EYS: variants seen among roughly 807,000 people sequenced by gnomAD.
The protein encoded by EYS is protein eyes shut homolog.
In EYS, 250 loss-of-function variants were observed where a neutral mutation model predicts 282.1. That is an observed-to-expected ratio of 0.89 (90% CI 0.80 to 0.98). The LOEUF is 0.98. EYS is among the 50% of genes least tolerant of loss of function. The probability of loss-of-function intolerance (pLI) is 0.00; values close to 1 mark genes in which losing one functional copy is unlikely to be tolerated. For missense variants in EYS, 4,016 were observed against 3,709.0 expected, an observed-to-expected ratio of 1.08 and a Z score of -2.15; for synonymous variants, 1,355 against 1,282.9, an observed-to-expected ratio of 1.06 and a Z score of -1.20.
chr6:65,133,747 A>G (rs1375537774), intron 12 of EYS, among the ~76,000 whole-genome samples: 2 of 152,128 alleles, frequency 1.3e-5, no homozygotes, highest in African/African-American at 4.8e-5. Flanking sequence ...AGCAATTGCA[A>G]CAAAAGCAAA....
chr6:64,777,411 G>T (rs904825490), intron 22 of EYS, among the ~76,000 whole-genome samples: 3 of 152,020 alleles, frequency 2.0e-5, no homozygotes, highest in African/African-American at 4.8e-5. Context: ...ATAAACAAAA[G>T]AAAGAAATGG....
At chr6:63,829,613 C>T (rs138818092) in intron 36 of EYS, among the ~76,000 whole-genome samples, 1,883 of 152,332 alleles carry the variant, frequency 0.012, 33 homozygotes, top group African/African-American at 0.044. Flanking sequence ...GCCTGCCTGC[C>T]TCTGTAGACT....
chr6:64,675,622 G>T (rs1441667351), intron 22 of EYS, among the ~76,000 whole-genome samples: 1 of 151,562 alleles, frequency 6.6e-6, no homozygotes, highest in African/African-American at 2.4e-5. Context: ...TAGAGACAGG[G>T]TTTCACCATG....
chr6:64,079,175 T>A (rs542166084), intron 32 of EYS, among the ~76,000 whole-genome samples: 3 of 152,182 alleles, frequency 2.0e-5, no homozygotes, highest in East Asian at 3.9e-4. Context: ...GCACTTAGAT[T>A]TTGTATAAAA....
intron 11 of EYS, chr6:65,330,256 G>T: frequency 2.1e-6 from 2 of 947,798 alleles, no homozygotes; most frequent in Non-Finnish European, 2.5e-6. Context: ...CCAGTTAGAG[G>T]AGATTCAATA....
intron 26 of EYS, among the ~76,000 whole-genome samples, chr6:64,453,419 C>G (rs1345212857): frequency 6.6e-6 from 1 of 152,146 alleles, no homozygotes; most frequent in Non-Finnish European, 1.5e-5. Flanking sequence ...GGACTGTAAA[C>G]TAGTTCAACC....
At chr6:64,953,376 A>G (rs1226383100) in intron 14 of EYS, among the ~76,000 whole-genome samples, 1 of 151,800 alleles carries the variant, frequency 6.6e-6, no homozygotes, top group Non-Finnish European at 1.5e-5. Context: ...TAATAAAAAA[A>G]CTTTTGAAGT....
rs1314412070 is a variant in EYS, at chr6:65,370,351, C to A, written c.1299+14035G>T. Among the ~76,000 whole-genome samples, 2 of 147,628 alleles carry A rather than the reference C, an allele frequency of 1.4e-5. 1 individual carries two copies. The highest frequency in any genetic ancestry group is 1.4e-4 in the Admixed American group (2 of 14,082). On this transcript the variant is annotated intron_variant, in intron 8 of 42. Transcript: ENST00000503581. ...GCTCACTGCAGTCTTAATTCCTGGG[C>A]TCAAAGTGATTATCCTACTCCAGCT...
intron 22 of EYS, among the ~76,000 whole-genome samples, chr6:64,766,639 A>AC (rs1212961829): frequency 4.6e-3 from 27 of 5,898 alleles, no homozygotes; most frequent in African/African-American, 9.3e-3. Context: ...CTCAAAAAAA[A>AC]AAAAAAAAAA....
chr6:65,362,027 T>C (rs1427606723), intron 8 of EYS, among the ~76,000 whole-genome samples: 1 of 150,378 alleles, frequency 6.6e-6, no homozygotes, highest in African/African-American at 2.5e-5. Flanking sequence ...CCATAGCTAA[T>C]GGCCAGAGAA....
chr6:64,186,783 T>C (rs1375769473), intron 31 of EYS, among the ~76,000 whole-genome samples: 1 of 152,154 alleles, frequency 6.6e-6, no homozygotes, highest in African/African-American at 2.4e-5. Context: ...ACTCTTTCAG[T>C]TCAGTTGTGG....
chr6:65,516,131 T>C (rs1309786232), intron 2 of EYS, among the ~76,000 whole-genome samples: 1 of 152,006 alleles, frequency 6.6e-6, no homozygotes, highest in African/African-American at 2.4e-5. Context: ...ATAAGGATGC[T>C]GAAACCATTA....
rs566684516 is a variant in EYS at position 64,775,767 on chromosome 6, A to G, written c.3443+37611T>C. ...GTTTTTATTTGGAAATATCTTCATG[A>G]ATTCCTATTCAATATTCAAAACATC... On this transcript the variant is annotated intron_variant, in intron 22 of 42. Coordinates refer to ENST00000503581, the MANE Select transcript of EYS (RefSeq NM_001142800.2). Among the ~76,000 whole-genome samples, 23 of 152,230 alleles carry G rather than the reference A, an allele frequency of 1.5e-4. No homozygotes were observed. The South Asian group carries it at 4.3e-3, about 29-fold the overall frequency.
chr6:65,670,015 CATT>C (rs71959272), intron 1 of EYS, among the ~76,000 whole-genome samples: 3 of 151,718 alleles, frequency 2.0e-5, no homozygotes, highest in African/African-American at 7.3e-5. Flanking sequence ...TCCTCCTCCT[CATT>C]GTTTTTGAAC....
At chr6:65,596,140 G>A (rs1333751295) in intron 2 of EYS, among the ~76,000 whole-genome samples, 1 of 152,012 alleles carries the variant, frequency 6.6e-6, no homozygotes, top group Non-Finnish European at 1.5e-5. Flanking sequence ...CCTTTGACAA[G>A]TTTTGGGGTG....
intron 7 of EYS, among the ~76,000 whole-genome samples, chr6:65,386,613 C>A (rs557625920): frequency 9.2e-5 from 14 of 151,906 alleles, no homozygotes; most frequent in African/African-American, 2.9e-4. Flanking sequence ...ACAGAGAAAA[C>A]AAAAGCAAAG....
chr6:64,262,737 G>C (rs567449454), intron 30 of EYS, among the ~76,000 whole-genome samples: 34 of 150,940 alleles, frequency 2.3e-4, no homozygotes, highest in Middle Eastern at 3.4e-3. Flanking sequence ...CTTTTATTTT[G>C]TTTCCTGCTT....
chr6:65,352,699 T>C (rs1168933381), intron 9 of EYS, among the ~76,000 whole-genome samples: 1 of 151,932 alleles, frequency 6.6e-6, no homozygotes, highest in African/African-American at 2.4e-5. Flanking sequence ...ACCAACTCCC[T>C]AGCTTTTTTC....
intron 22 of EYS, among the ~76,000 whole-genome samples, chr6:64,757,067 C>A (rs762559608): frequency 2.6e-5 from 4 of 152,040 alleles, no homozygotes; most frequent in Non-Finnish European, 5.9e-5. Flanking sequence ...ATAAAAAATT[C>A]TTAGGGTGAC....
Sources: gnomAD v4.1 joint callset for allele counts (sites outside exome capture counted in the v4.1 genomes callset) on GRCh38, gnomAD v4.1.1 for gene constraint, MANE v1.5 for transcripts, NCBI Gene and HGNC (gene_info 2026-07-23, HGNC 2026-07-21) for gene names.